The following YTHDF2 variants were observed in gnomAD, a reference collection of about 807,000 sequenced individuals.
The protein encoded by YTHDF2 is YTH domain-containing family protein 2.
YTHDF2 carries 2 observed loss-of-function variants against 50.4 expected under a neutral mutation model. The observed-to-expected ratio is 0.04, with a 90% CI of 0.02 to 0.12. YTHDF2 has a LOEUF of 0.12. YTHDF2 is among the 10% of genes least tolerant of loss of function. YTHDF2 has a pLI of 1.00. For missense variants in YTHDF2, 483 were observed against 722.6 expected (o/e 0.67, Z 3.80); for synonymous variants, 217 against 255.6 (o/e 0.85, Z 1.44).
chr1:28,751,595 T>C (rs2087953728), intron 4 of YTHDF2, among the ~76,000 whole-genome samples: 1 of 152,222 alleles, frequency 6.6e-6, no homozygotes, highest in Non-Finnish European at 1.5e-5. Context: ...AAAACGCCTC[T>C]TTCTGCAGCC....
chr1:28,738,383 A>G, intron 3 of YTHDF2, 45 bp downstream of exon 3: 1 of 1,447,718 alleles, frequency 6.9e-7, no homozygotes, highest in Non-Finnish European at 9.6e-7. Flanking sequence ...GGTGTGGTAT[A>G]TTCTTTCTCC....
At chr1:28,759,281 G>A (rs1043079512) in intron 4 of YTHDF2, among the ~76,000 whole-genome samples, 1 of 152,190 alleles carries the variant, frequency 6.6e-6, no homozygotes, top group African/African-American at 2.4e-5. Flanking sequence ...TGGAGCTCTG[G>A]AGGAAGAGTT....
At chr1:28,753,244 G>A (rs1051763475) in intron 4 of YTHDF2, among the ~76,000 whole-genome samples, 2 of 150,798 alleles carry the variant, frequency 1.3e-5, no homozygotes, top group African/African-American at 2.4e-5. Flanking sequence ...GAAATGGCTA[G>A]GTGCAGTGGC....
At chr1:28,742,303 C>T in intron 3 of YTHDF2, 100 bp from the exon 4 acceptor site, 1 of 1,452,262 alleles carries the variant, frequency 6.9e-7, no homozygotes, top group Non-Finnish European at 9.2e-7. Flanking sequence ...CCTGCACACT[C>T]CTTTTTATAG....
At chr1:28,759,256 G>A (rs1221664524) in intron 4 of YTHDF2, among the ~76,000 whole-genome samples, 1 of 152,090 alleles carries the variant, frequency 6.6e-6, no homozygotes, top group African/African-American at 2.4e-5. Context: ...TAAATATATA[G>A]GTACTGGAAA....
chr1:28,737,412 C>T lies in YTHDF2; in HGVS notation c.28-246C>T, dbSNP rs570147060. ...CCTCGTTTTCCTTCCTTGTTTCCTT[C>T]CCCTTCCTTAAAGCCCTGGGTTCCT... On this transcript the variant is annotated intron_variant, in intron 1 of 4. Coordinates refer to ENST00000373812, the MANE Select transcript of YTHDF2 (RefSeq NM_016258.3). 9.4e-6 allele frequency: 6 copies of T among 638,168 alleles called. No individual in the cohort carries two copies. The African/African-American group carries it at 9.6e-5, about 10-fold the overall frequency. The allele number at this position is 638,168 out of a possible 1,614,324, so 39.5% of individuals were successfully genotyped here. A position where few individuals can be genotyped will look rare whatever the true frequency, so the allele number is the denominator to read the frequency against.
chr1:28,737,028 C>T lies in YTHDF2; in HGVS notation c.-93C>T. On this transcript the variant is annotated 5_prime_UTR_variant, in exon 1 of 5. Transcript: ENST00000373812. The stretch of plus-strand genomic sequence containing the variant: ...GGCCCCCGAGTGTCAGGGACAAAAG[C>T]CTCCGCCTGCTCCCGCAGACGGGGC... 3 of 1,503,304 alleles carry T rather than the reference C, an allele frequency of 2.0e-6. No individual in the cohort carries two copies. The highest frequency in any genetic ancestry group is 2.1e-4 in the Middle Eastern group (1 of 4,868). 93.1% of individuals were successfully genotyped at this position (1,503,304 alleles called of 1,614,324 possible).
chr1:28,767,665 C>A (rs1448524628), intron 4 of YTHDF2, among the ~76,000 whole-genome samples: 1 of 151,882 alleles, frequency 6.6e-6, no homozygotes, highest in Non-Finnish European at 1.5e-5. Flanking sequence ...CCTACCACCA[C>A]GCCTGGCTAA....
chr1:28,746,011 C>T (rs2087855225), intron 4 of YTHDF2, among the ~76,000 whole-genome samples: 2 of 152,124 alleles, frequency 1.3e-5, no homozygotes, highest in Admixed American at 1.3e-4. Context: ...TGCACTCCAG[C>T]AGGGGCAACA....
intron 3 of YTHDF2, among the ~76,000 whole-genome samples, chr1:28,741,117 C>T (rs1262816118): frequency 6.6e-6 from 1 of 152,124 alleles, no homozygotes; most frequent in Non-Finnish European, 1.5e-5. Flanking sequence ...CCCACCTTAG[C>T]CTCCTGAGTA....
At chr1:28,747,848 G>A (rs1246263667) in intron 4 of YTHDF2, among the ~76,000 whole-genome samples, 2 of 151,412 alleles carry the variant, frequency 1.3e-5, no homozygotes, top group African/African-American at 2.4e-5. Context: ...GGCACTGGCC[G>A]GGCGCGGTGG....
At chr1:28,768,774 GTTTTTC>G (rs1310562789) in intron 4 of YTHDF2, among the ~76,000 whole-genome samples, 149 bp from the exon 5 acceptor site, 4 of 152,110 alleles carry the variant, frequency 2.6e-5, no homozygotes, top group African/African-American at 9.7e-5. Context: ...GTAAAAGCCA[GTTTTTC>G]TTTGTGGGGA....
intron 1 of YTHDF2, 90 bp downstream of exon 1, chr1:28,737,237 C>G: frequency 2.7e-6 from 4 of 1,456,508 alleles, no homozygotes; most frequent in Middle Eastern, 2.5e-4. Flanking sequence ...GCAGGCCGAG[C>G]CGAGCCGAGG....
At chr1:28,745,283 G>A (rs2087840907) in intron 4 of YTHDF2, among the ~76,000 whole-genome samples, 1 of 152,104 alleles carries the variant, frequency 6.6e-6, no homozygotes, top group South Asian at 2.1e-4. Flanking sequence ...ATCTTTCAGT[G>A]GGTACAGATT....
intron 4 of YTHDF2, among the ~76,000 whole-genome samples, chr1:28,758,323 A>G (rs1294559858): frequency 1.3e-5 from 2 of 152,158 alleles, no homozygotes; most frequent in African/African-American, 4.8e-5. Flanking sequence ...CTAGGATCAT[A>G]TTACTGCACC....
At chr1:28,744,935 G>C (rs1057266568) in intron 4 of YTHDF2, among the ~76,000 whole-genome samples, 1 of 152,180 alleles carries the variant, frequency 6.6e-6, no homozygotes, top group Non-Finnish European at 1.5e-5. Context: ...AAAGTGCTGG[G>C]ATTACAGGTG....
At chr1:28,753,185 C>G (rs2087982742) in intron 4 of YTHDF2, among the ~76,000 whole-genome samples, 1 of 151,524 alleles carries the variant, frequency 6.6e-6, no homozygotes, top group African/African-American at 2.4e-5. Context: ...AACCCCGAAG[C>G]TCATGGACTA....
At chr1:28,757,021 A>G (rs1411255476) in intron 4 of YTHDF2, among the ~76,000 whole-genome samples, 1 of 152,226 alleles carries the variant, frequency 6.6e-6, no homozygotes, top group Non-Finnish European at 1.5e-5. Context: ...AGCAGGTAAC[A>G]GTTTAAATAT....
rs747665875 is a variant in YTHDF2 at position 28,743,134 on chromosome 1, C to G, written c.864C>G (p.Pro288=). The change falls in exon 4 of 5, where the codon CCC becomes CCG. Residue 288 remains proline, a synonymous_variant. Coordinates refer to ENST00000373812, the MANE Select transcript of YTHDF2 (RefSeq NM_016258.3). The surrounding 1 kb of genome is among the most constrained non-coding windows in gnomAD (Gnocchi z 6.9). The part of the protein sequence containing the change: ...WDNKGPVAKA[P]SQALVQNIGQ... The stretch of plus-strand genomic sequence containing the variant: ...ACAAGGGTCCCGTTGCAAAAGCCCC[C>G]TCACAGGCTTTGGTTCAGAATATAG... The G allele has an allele frequency of 2.5e-6, 4 of 1,614,068 alleles. No homozygotes were observed. The highest frequency in any genetic ancestry group is 3.4e-6 in the Non-Finnish European group (4 of 1,180,032).
Sources: gnomAD v4.1 joint callset for allele counts (sites outside exome capture counted in the v4.1 genomes callset) on GRCh38, gnomAD v4.1.1 for gene constraint, Gnocchi (gnomAD v3.1) non-coding constraint, MANE v1.5 for transcripts, NCBI Gene and HGNC (gene_info 2026-07-23, HGNC 2026-07-21) for gene names.